Variants in FAM20B observed in about 807,000 individuals in gnomAD.
FAM20B encodes glycosaminoglycan xylosylkinase.
Under a neutral mutation model 43.8 loss-of-function variants are expected in FAM20B, and 23 were observed. The observed-to-expected ratio is 0.53, with a 90% CI of 0.38 to 0.74. The LOEUF (loss-of-function observed/expected upper bound fraction) is 0.74. FAM20B is among the 30% of genes least tolerant of loss of function. The probability of loss-of-function intolerance (pLI) is 0.00; values close to 1 mark genes in which losing one functional copy is unlikely to be tolerated. For missense variants in FAM20B, 440 were observed against 510.5 expected, an observed-to-expected ratio of 0.86 and a Z score of 1.33; for synonymous variants, 178 against 192.4, an observed-to-expected ratio of 0.93 and a Z score of 0.62.
upstream of FAM20B, among the ~76,000 whole-genome samples, chr1:179,021,438 T>C (rs1266070197): frequency 6.6e-6 from 1 of 152,212 alleles, no homozygotes; most frequent in Non-Finnish European, 1.5e-5. Flanking sequence ...ACCCAATCCC[T>C]TGAAAAGCCA....
At chr1:179,037,258 A>G (rs1650276652) in intron 1 of FAM20B, among the ~76,000 whole-genome samples, 1 of 152,156 alleles carries the variant, frequency 6.6e-6, no homozygotes, top group African/African-American at 2.4e-5. Flanking sequence ...GTGGCTGTGG[A>G]AATGAAAGAC....
chr1:179,028,211 AC>A lies in FAM20B; in HGVS notation c.-134+2114del, dbSNP rs752775008. ...TGATAACTTTTTAAAATAGCTAACC[AC>A]AGAGGTTGTCTTTTGGTGATTGCCA... On this transcript the variant is annotated intron_variant, in intron 1 of 7. Coordinates refer to ENST00000263733, the MANE Select transcript of FAM20B (RefSeq NM_014864.4). Among the ~76,000 whole-genome samples, 9 of 152,324 alleles carry A rather than the reference AC, an allele frequency of 5.9e-5. No individual in the cohort carries two copies. The East Asian group carries it at 1.7e-3, about 29-fold the overall frequency.
intron 4 of FAM20B, among the ~76,000 whole-genome samples, chr1:179,059,828 CG>C (rs1483309191): frequency 6.6e-6 from 1 of 151,800 alleles, no homozygotes; most frequent in African/African-American, 2.4e-5. Context: ...AAAAATTAGC[CG>C]GGTGTGGTGG....
chr1:179,027,410 C>T (rs1156267321), intron 1 of FAM20B, among the ~76,000 whole-genome samples: 1 of 152,200 alleles, frequency 6.6e-6, no homozygotes, highest in Non-Finnish European at 1.5e-5. Flanking sequence ...GTCTGAGAAA[C>T]TGAGGTACAA....
chr1:179,071,013 C>T (rs1256040197), intron 7 of FAM20B, among the ~76,000 whole-genome samples: 1 of 151,566 alleles, frequency 6.6e-6, no homozygotes, highest in Non-Finnish European at 1.5e-5. Flanking sequence ...TAATTTTTTC[C>T]GCCAGGCGCA....
At chr1:179,047,181 G>A (rs148789255) in intron 2 of FAM20B, among the ~76,000 whole-genome samples, 10 of 152,278 alleles carry the variant, frequency 6.6e-5, no homozygotes, top group African/African-American at 1.9e-4. Context: ...AGGCCAGACT[G>A]ATGAGTAGGG....
intron 2 of FAM20B, among the ~76,000 whole-genome samples, chr1:179,045,738 T>C (rs1204717908): frequency 6.6e-6 from 1 of 151,712 alleles, no homozygotes; most frequent in Non-Finnish European, 1.5e-5. Context: ...AATAAAAAAT[T>C]AGCTGGGCGT....
intron 3 of FAM20B, 42 bp from the exon 4 acceptor site, chr1:179,054,487 C>A: frequency 8.1e-7 from 1 of 1,234,998 alleles, no homozygotes; most frequent in Non-Finnish European, 1.2e-6. Context: ...AAAAAACATC[C>A]CCTAAGATTT....
At position 179,064,471 on chromosome 1, in the gene FAM20B, C is replaced by T. The variant is rs777740533; in HGVS notation, c.913C>T (p.Leu305Phe). The change falls in exon 6 of 8, where the codon CTC becomes TTC. Residue 305 changes from leucine to phenylalanine, a missense_variant. Transcript: ENST00000263733. ...SFQDDEGASMLILLDNAKSFG... is the reference protein window; with the variant it reads ...SFQDDEGASMFILLDNAKSFG... ...TCAAGATGATGAAGGCGCTAGTATG[C>T]TCATCCTTCTTGATAATGCCAAAAG... 1.9e-6 allele frequency: 3 copies of T among 1,613,726 alleles called. No individual in the cohort carries two copies. The Admixed American group carries it at 5.0e-5, about 27-fold the overall frequency.
chr1:179,040,899 G>C (rs1650480303), intron 1 of FAM20B, among the ~76,000 whole-genome samples: 1 of 150,778 alleles, frequency 6.6e-6, no homozygotes, highest in Non-Finnish European at 1.5e-5. Flanking sequence ...CTTCTCAGAC[G>C]GGGCGGCCGG....
chr1:179,066,410 C>T (rs1651691119), intron 6 of FAM20B, among the ~76,000 whole-genome samples: 3 of 151,902 alleles, frequency 2.0e-5, no homozygotes, highest in African/African-American at 7.3e-5. Flanking sequence ...TGGTCATCTG[C>T]TTGTTTGTGG....
chr1:179,023,620 G>A (rs1182744601), upstream of FAM20B, among the ~76,000 whole-genome samples: 1 of 152,204 alleles, frequency 6.6e-6, no homozygotes, highest in Non-Finnish European at 1.5e-5. Flanking sequence ...GTGAATGAAT[G>A]AATAAACAAA....
chr1:179,022,003 C>T (rs994515726), upstream of FAM20B, among the ~76,000 whole-genome samples: 1 of 152,200 alleles, frequency 6.6e-6, no homozygotes, highest in Non-Finnish European at 1.5e-5. Flanking sequence ...ATGTATGTAG[C>T]TTATGATGCT....
Position 179,072,342 on chromosome 1 carries a change from C to A in FAM20B, c.*198C>A. 1.7e-6 allele frequency: 1 copy of A among 578,262 alleles called. No homozygotes were observed. Among genetic ancestry groups the A allele is most frequent in the Non-Finnish European group, 3.1e-6 (1 of 324,462 alleles). 35.8% of individuals were successfully genotyped at this position (578,262 alleles called of 1,614,324 possible). A position where few individuals can be genotyped will look rare whatever the true frequency, so the allele number is the denominator to read the frequency against. On this transcript the variant is annotated 3_prime_UTR_variant, in exon 8 of 8. Transcript: ENST00000263733. ...CAAGTTTCAGAGCATGGAGACATTC[C>A]TGCTGAATCGCCTTCTCACCTCCTC... is the stretch of plus-strand genomic sequence containing the variant.
intron 1 of FAM20B, among the ~76,000 whole-genome samples, chr1:179,041,841 A>T (rs569549818): frequency 6.6e-6 from 1 of 152,284 alleles, no homozygotes; most frequent in Admixed American, 6.5e-5. Flanking sequence ...GTGGTTTGGG[A>T]TATGCAAAAG....
chr1:179,024,057 G>A (rs1353802178), upstream of FAM20B, among the ~76,000 whole-genome samples: 2 of 152,146 alleles, frequency 1.3e-5, no homozygotes. Flanking sequence ...GGAAAACTGG[G>A]GGGCAGAACA....
chr1:179,045,524 A>G (rs982300764), intron 2 of FAM20B, among the ~76,000 whole-genome samples: 2 of 152,188 alleles, frequency 1.3e-5, no homozygotes, highest in Admixed American at 1.3e-4. Flanking sequence ...AATGGAAGGG[A>G]TCACTGTTGG....
chr1:179,023,078 A>G (rs1157271371), upstream of FAM20B, among the ~76,000 whole-genome samples: 1 of 152,246 alleles, frequency 6.6e-6, no homozygotes, highest in African/African-American at 2.4e-5. Context: ...AAAGGTGACT[A>G]TGGCAGTAAA....
chr1:179,069,119 C>T (rs140313734), intron 7 of FAM20B, among the ~76,000 whole-genome samples: 65 of 152,188 alleles, frequency 4.3e-4, no homozygotes, highest in Non-Finnish European at 8.5e-4. Context: ...GAGAGGGCCT[C>T]GGGAGAGTTA....
Sources: allele counts gnomAD v4.1 joint callset (sites outside exome capture counted in the v4.1 genomes callset), GRCh38; gene constraint gnomAD v4.1.1; transcripts MANE v1.5; gene names NCBI Gene and HGNC (gene_info 2026-07-23, HGNC 2026-07-21).